Variants in MINAR1 observed in about 807,000 individuals in gnomAD.
MINAR1 encodes the protein major intrinsically disordered Notch2-binding receptor 1.
MINAR1 carries 40 observed loss-of-function variants against 65.1 expected under a neutral mutation model. That is an observed-to-expected ratio of 0.61 (90% CI 0.48 to 0.80). The LOEUF (loss-of-function observed/expected upper bound fraction) is 0.80. Ranked by LOEUF, MINAR1 falls within the 30% of genes least tolerant of loss-of-function variation. The pLI is 0.00. For synonymous variants in MINAR1, 482 were observed against 449.1 expected, an observed-to-expected ratio of 1.07 and a Z score of -0.93; for missense variants, 1,128 against 1,148.0, an observed-to-expected ratio of 0.98 and a Z score of 0.25.
At position 79,433,747 on chromosome 15, in the gene MINAR1, T is replaced by G. The variant is rs536135400; in HGVS notation, c.-51+1207T>G. Among the ~76,000 whole-genome samples the G allele has an allele frequency of 2.0e-5, 3 of 152,316 alleles. No homozygotes were observed. In the South Asian group the frequency reaches 6.2e-4, roughly 32 times the overall value. On this transcript the variant is annotated intron_variant, in intron 1 of 3. Transcript: ENST00000305428. ...GATGGAGAGGGACGGTAAATGGCCC[T>G]TCCTTGTCATTTCTCAGACACCAGC...
At chr15:79,417,426 G>A in the MINAR1 span, 2 of 152,178 alleles carry the variant, frequency 1.3e-5, no homozygotes, top group Non-Finnish European at 2.9e-5. Context: ...TAAAATATGT[G>A]GATCCCGAAG....
the MINAR1 span, chr15:79,416,043 G>T: frequency 2.0e-5 from 3 of 152,184 alleles, no homozygotes; most frequent in African/African-American, 7.2e-5. Context: ...CACAGTATAT[G>T]ATTCCTTTGA....
upstream of MINAR1, among the ~76,000 whole-genome samples, chr15:79,431,038 C>CAG (rs1193965073): frequency 1.3e-5 from 2 of 152,168 alleles, no homozygotes; most frequent in African/African-American, 4.8e-5. Context: ...ATCTGCGTCC[C>CAG]CCCAGGGCCT....
At chr15:79,419,543 T>C in the MINAR1 span, 1 of 152,326 alleles carries the variant, frequency 6.6e-6, no homozygotes, top group East Asian at 1.9e-4. Context: ...TGGTAACATG[T>C]AACCCTTTAT....
chr15:79,456,111 T>C lies in MINAR1; in HGVS notation c.-37T>C, dbSNP rs1895401327. ...TTGCCACCACAGAACTGACCTGAAGTTTCAGTGTAGTCAGAGAGCTCTTCA... is the reference window on the plus strand; with the variant it reads ...TTGCCACCACAGAACTGACCTGAAGCTTCAGTGTAGTCAGAGAGCTCTTCA... On this transcript the variant is annotated 5_prime_UTR_variant, in exon 2 of 4. Transcript: ENST00000305428. 6.3e-7 allele frequency: 1 copy of C among 1,590,740 alleles called. No individual in the cohort carries two copies. Among genetic ancestry groups the C allele is most frequent in the Admixed American group, 1.7e-5 (1 of 58,842 alleles).
rs138702046 is a variant in MINAR1 at position 79,467,199 on chromosome 15, G to A, written c.2554-988G>A. On this transcript the variant is annotated intron_variant, in intron 3 of 3. Coordinates refer to ENST00000305428, the MANE Select transcript of MINAR1 (RefSeq NM_015206.3). ...TAAAACTTTGAAAGGTTTGTTTTTT[G>A]AGCCTGTGTTTGTATATGTGTATGA... 9.2e-3 allele frequency among the ~76,000 whole-genome samples: 1,398 copies of A among 152,286 alleles called. 21 individuals carry two copies. The highest frequency in any genetic ancestry group is 0.032 in the African/African-American group (1,332 of 41,580).
upstream of MINAR1, among the ~76,000 whole-genome samples, chr15:79,429,335 G>T (rs1894387734): frequency 6.6e-6 from 1 of 152,174 alleles, no homozygotes; most frequent in Admixed American, 6.5e-5. Context: ...AAATGCTAGA[G>T]GACCAAAACC....
In MINAR1 at chr15:79,472,204, C is replaced by T. The variant is rs1896109862; in HGVS notation, c.*3820C>T. On this transcript the variant is annotated 3_prime_UTR_variant, in exon 4 of 4. Coordinates refer to ENST00000305428, the MANE Select transcript of MINAR1 (RefSeq NM_015206.3). ...CATTTTTAGATCTTTTTTCAAATGG[C>T]TTGTGTAAAATTTGGTTAATGTACA... 6.6e-6 allele frequency: 1 copy of T among 152,394 alleles called. No homozygotes were observed. Among genetic ancestry groups the T allele is most frequent in the Non-Finnish European group, 1.5e-5 (1 of 67,990 alleles). The allele number at this position is 152,394 out of a possible 1,614,324, so 9.4% of individuals were successfully genotyped here.
chr15:79,457,265 C>T lies in MINAR1; in HGVS notation c.1118C>T (p.Thr373Ile). 6.2e-7 allele frequency: 1 copy of T among 1,614,204 alleles called. No homozygotes were observed. The highest frequency in any genetic ancestry group is 8.5e-7 in the Non-Finnish European group (1 of 1,180,038). ...CCAGCCAAAAGCTGGAGCCTAAACA[C>T]AGAGGAAGTTCCTGACTTTGAACGG... The part of the protein sequence containing the change: ...PWPAKSWSLN[T>I]EEVPDFERSF... Residue 373 changes from threonine to isoleucine, a missense_variant, in exon 2 of 4, where the codon ACA becomes ATA. Coordinates refer to ENST00000305428, the MANE Select transcript of MINAR1 (RefSeq NM_015206.3).
Position 79,457,411 on chromosome 15 carries a change from C to G in MINAR1, c.1264C>G (p.Pro422Ala), listed in dbSNP as rs769600562. 3.1e-6 allele frequency: 5 copies of G among 1,614,192 alleles called. No individual in the cohort carries two copies. In the Admixed American group the frequency reaches 5.0e-5, roughly 16 times the overall value. The change falls in exon 2 of 4, where the codon CCA becomes GCA. Residue 422 changes from proline to alanine, a missense_variant. Physicochemically the swap from Pro to Ala is conservative, Grantham distance 27. Coordinates refer to ENST00000305428, the MANE Select transcript of MINAR1 (RefSeq NM_015206.3). Reference protein sequence around the residue: ...PTYLVPKDQQPILPIAYAAKQ... With the variant: ...PTYLVPKDQQAILPIAYAAKQ... ...TTACCTTGTGCCAAAGGATCAACAG[C>G]CAATTCTCCCCATTGCTTATGCGGC...
Position 79,456,163 on chromosome 15 carries a change from G to C in MINAR1, c.16G>C (p.Glu6Gln). METSQ[E>Q]TSLFLVKILE... ...GTAATAAATCATGGAGACCAGTCAG[G>C]AAACTTCCCTCTTCTTGGTGAAGAT... The change falls in exon 2 of 4, where the codon GAA becomes CAA. Residue 6 changes from glutamate (E) to glutamine (Q), a missense_variant. Glu to Gln is a conservative substitution (Grantham distance 29, BLOSUM62 2). Transcript: ENST00000305428. The C allele has an allele frequency of 6.2e-7, 1 of 1,613,238 alleles. No homozygotes were observed. Among genetic ancestry groups the C allele is most frequent in the Non-Finnish European group, 8.5e-7 (1 of 1,179,292 alleles).
At chr15:79,415,008 G>A in the MINAR1 span, 1 of 152,198 alleles carries the variant, frequency 6.6e-6, no homozygotes, top group Non-Finnish European at 1.5e-5. Context: ...TGTGTTCAGC[G>A]ACCATAGGTT....
chr15:79,441,982 A>G (rs1894882344), intron 1 of MINAR1, among the ~76,000 whole-genome samples: 1 of 150,462 alleles, frequency 6.6e-6, no homozygotes. Flanking sequence ...ATTATTTCAT[A>G]TACATTTTTA....
chr15:79,468,053 G>T (rs1895938318), intron 3 of MINAR1, 134 bp from the exon 4 acceptor site: 1 of 667,952 alleles, frequency 1.5e-6, no homozygotes, highest in African/African-American at 1.8e-5. Flanking sequence ...GGCTGGTGGG[G>T]CAGTGTTATG....
chr15:79,455,036 TTGA>T (rs1225523338), intron 1 of MINAR1, among the ~76,000 whole-genome samples: 1 of 152,220 alleles, frequency 6.6e-6, no homozygotes, highest in Non-Finnish European at 1.5e-5. Context: ...ATAAGAAAGC[TTGA>T]TGATGAATAT....
chr15:79,466,578 G>A (rs982809623), intron 3 of MINAR1, among the ~76,000 whole-genome samples: 6 of 152,134 alleles, frequency 3.9e-5, no homozygotes, highest in Non-Finnish European at 8.8e-5. Context: ...ATCACTCGTA[G>A]TTCAAGGGTT....
chr15:79,429,873 T>A (rs144681188), upstream of MINAR1, among the ~76,000 whole-genome samples: 722 of 152,292 alleles, frequency 4.7e-3, 7 homozygotes, highest in African/African-American at 0.017. Context: ...GAGTCCAAGT[T>A]CCAGCCTCTT....
rs536446174 is a variant in MINAR1, at chr15:79,456,715, G to T, written c.568G>T (p.Ala190Ser). ...GVSKEVKNRA[A>S]SLDRLQALAP... ...TAGCAAAGAGGTGAAAAACCGCGCC[G>T]CTTCCCTGGACAGGTTGCAGGCCCT... The change falls in exon 2 of 4, where the codon GCT becomes TCT. Residue 190 changes from alanine (A) to serine (S), a missense_variant. Physicochemically the swap from Ala to Ser is moderately conservative, Grantham distance 99. Transcript: ENST00000305428. The T allele has an allele frequency of 5.0e-6, 8 of 1,614,132 alleles. No individual in the cohort carries two copies. The African/African-American group carries it at 9.3e-5, about 19-fold the overall frequency.
At chr15:79,465,089 TAAA>T (rs1419975013) in intron 3 of MINAR1, among the ~76,000 whole-genome samples, 1 of 152,170 alleles carries the variant, frequency 6.6e-6, no homozygotes, top group Non-Finnish European at 1.5e-5. Context: ...TTATAAAAAT[TAAA>T]AATAGATATT....
Sources: allele counts gnomAD v4.1 joint callset (sites outside exome capture counted in the v4.1 genomes callset), GRCh38; gene constraint gnomAD v4.1.1; transcripts MANE v1.5; gene names NCBI Gene and HGNC (gene_info 2026-07-23, HGNC 2026-07-21).